Variants in KIF26B observed in about 807,000 individuals in gnomAD.
The protein encoded by KIF26B is kinesin family member 26B.
KIF26B carries 63 observed loss-of-function variants against 151.2 expected under a neutral mutation model. That is an observed-to-expected ratio of 0.42 (90% CI 0.34 to 0.51). The LOEUF (loss-of-function observed/expected upper bound fraction) is 0.51, where lower values mean the gene tolerates loss of function less well. KIF26B is among the 20% of genes least tolerant of loss of function. The pLI is 0.07. For missense variants in KIF26B, 2,813 were observed against 2,913.6 expected (o/e 0.97, Z 0.79); for synonymous variants, 1,357 against 1,262.1 (o/e 1.08, Z -1.59).
intron 2 of KIF26B, among the ~76,000 whole-genome samples, chr1:245,283,575 A>G (rs1406465601): frequency 6.6e-6 from 1 of 151,698 alleles, no homozygotes; most frequent in Non-Finnish European, 1.5e-5. Flanking sequence ...CCTCTCTTTT[A>G]TTTGTTTACT....
intron 4 of KIF26B, among the ~76,000 whole-genome samples, chr1:245,478,430 A>ACTTT (rs1660088316): frequency 7.8e-6 from 1 of 128,626 alleles, no homozygotes; most frequent in Non-Finnish European, 1.6e-5. Context: ...TCTGACTCGC[A>ACTTT]TTTTTTTTTT....
At chr1:245,275,626 G>T (rs777509865) in intron 2 of KIF26B, among the ~76,000 whole-genome samples, 1 of 152,182 alleles carries the variant, frequency 6.6e-6, no homozygotes, top group Non-Finnish European at 1.5e-5. Context: ...TTTCTCAAAA[G>T]ATCAGATGGT....
Position 245,709,217 on chromosome 1 carries a change from C to A in KIF26B, c.*6611C>A, listed in dbSNP as rs1475678372. On this transcript the variant is annotated 3_prime_UTR_variant, in exon 15 of 15. Transcript: ENST00000407071. ...GATTATGATAAATATGAGCAGGCTCCCTGGAGAACAGTCCAGAAAAAAAGA... is the reference window on the plus strand; with the variant it reads ...GATTATGATAAATATGAGCAGGCTCACTGGAGAACAGTCCAGAAAAAAAGA... 1 of 152,124 alleles carries A rather than the reference C, an allele frequency of 6.6e-6. No homozygotes were observed. The highest frequency in any genetic ancestry group is 2.4e-5 in the African/African-American group (1 of 41,408). 9.4% of individuals were successfully genotyped at this position (152,124 alleles called of 1,614,324 possible).
chr1:245,694,414 G>A (rs1030626635), intron 12 of KIF26B, among the ~76,000 whole-genome samples: 30 of 152,360 alleles, frequency 2.0e-4, no homozygotes, highest in African/African-American at 6.5e-4. Context: ...CGAAAGCCAT[G>A]CTGGAGGGCT....
At chr1:245,510,922 T>C (rs1045154655) in intron 4 of KIF26B, 31 of 606,638 alleles carry the variant, frequency 5.1e-5, no homozygotes, top group African/African-American at 5.0e-4. Flanking sequence ...CACCAGGGTC[T>C]GCTCTGAGAG....
At chr1:245,382,677 T>A (rs1026465411) in intron 3 of KIF26B, among the ~76,000 whole-genome samples, 2 of 152,012 alleles carry the variant, frequency 1.3e-5, no homozygotes, top group Non-Finnish European at 2.9e-5. Context: ...CAAGCGATTC[T>A]CCTGCCTCAG....
At chr1:245,659,516 C>A (rs1025757382) in intron 10 of KIF26B, among the ~76,000 whole-genome samples, 1 of 152,152 alleles carries the variant, frequency 6.6e-6, no homozygotes, top group Admixed American at 6.5e-5. Context: ...AGCTATAACC[C>A]TATTTTCTGA....
chr1:245,285,420 G>A (rs938027971), intron 2 of KIF26B, among the ~76,000 whole-genome samples: 7 of 152,158 alleles, frequency 4.6e-5, no homozygotes, highest in African/African-American at 1.7e-4. Context: ...CATGGCAGAA[G>A]GTCTAGATAC....
At chr1:245,666,640 C>CCG (rs1332966404) in intron 10 of KIF26B, among the ~76,000 whole-genome samples, 1 of 152,134 alleles carries the variant, frequency 6.6e-6, no homozygotes, top group African/African-American at 2.4e-5. Context: ...CAAAGGCTAA[C>CCG]ACATAGGCGG....
At chr1:245,411,897 A>G (rs988123949) in intron 3 of KIF26B, among the ~76,000 whole-genome samples, 12 of 152,186 alleles carry the variant, frequency 7.9e-5, no homozygotes, top group African/African-American at 2.7e-4. Context: ...CCCTCCGTCC[A>G]TCATCGTCAG....
intron 5 of KIF26B, among the ~76,000 whole-genome samples, chr1:245,561,040 C>G (rs1254881222): frequency 6.6e-6 from 1 of 152,162 alleles, no homozygotes; most frequent in Non-Finnish European, 1.5e-5. Flanking sequence ...ACCAAAGTGC[C>G]TCAGAGACAG....
intron 9 of KIF26B, among the ~76,000 whole-genome samples, chr1:245,637,004 C>T (rs192078819): frequency 1.1e-4 from 16 of 152,054 alleles, no homozygotes; most frequent in Admixed American, 9.2e-4. Context: ...CTTTGATATA[C>T]TGATTTCTTT....
At chr1:245,461,767 T>C (rs1378727287) in intron 4 of KIF26B, among the ~76,000 whole-genome samples, 1 of 152,162 alleles carries the variant, frequency 6.6e-6, no homozygotes, top group Non-Finnish European at 1.5e-5. Flanking sequence ...CAGACAAGAA[T>C]AGTATTTTAA....
chr1:245,657,217 T>G (rs2044084542), intron 10 of KIF26B, among the ~76,000 whole-genome samples: 1 of 152,246 alleles, frequency 6.6e-6, no homozygotes, highest in African/African-American at 2.4e-5. Flanking sequence ...GACATGCCCA[T>G]TTTTCTGAGG....
At chr1:245,690,747 G>GC (rs1321728227) in intron 12 of KIF26B, among the ~76,000 whole-genome samples, 4 of 151,724 alleles carry the variant, frequency 2.6e-5, no homozygotes, top group Non-Finnish European at 5.9e-5. Context: ...GCCTGGGGGG[G>GC]GGGTATGCTT....
chr1:245,685,693 C>T lies in KIF26B; in HGVS notation c.2710C>T (p.Arg904Trp), dbSNP rs1335465590. 23 of 1,612,818 alleles carry T rather than the reference C, an allele frequency of 1.4e-5. No individual in the cohort carries two copies. The highest frequency in any genetic ancestry group is 3.3e-5 in the Admixed American group (2 of 59,964). The stretch of plus-strand genomic sequence containing the variant: ...CCTGCAGAAGACCCGGGGCGACAGC[C>T]GGCCCGCAGAGGCAGGAGAGGCTGC... ...PALQKTRGDS[R>W]PAEAGEAAAG... Residue 904 changes from arginine (R) to tryptophan (W), a missense_variant, in exon 12 of 15, where the codon CGG becomes TGG. Transcript: ENST00000407071.
At chr1:245,663,154 T>C (rs1370929429) in intron 10 of KIF26B, among the ~76,000 whole-genome samples, 3 of 151,972 alleles carry the variant, frequency 2.0e-5, no homozygotes, top group African/African-American at 4.8e-5. Context: ...TCCCCTGTCG[T>C]GTTTGGGGGC....
chr1:245,424,399 T>C (rs973233723), intron 4 of KIF26B, among the ~76,000 whole-genome samples: 1 of 152,198 alleles, frequency 6.6e-6, no homozygotes, highest in African/African-American at 2.4e-5. Flanking sequence ...CCACCTGCCT[T>C]GGCCCCCCAA....
intron 2 of KIF26B, among the ~76,000 whole-genome samples, chr1:245,311,028 G>T (rs1671656211): frequency 6.6e-6 from 1 of 152,098 alleles, no homozygotes; most frequent in African/African-American, 2.4e-5. Flanking sequence ...TACCCCTCAG[G>T]AATTTCTATC....
Sources: allele counts gnomAD v4.1 joint callset (sites outside exome capture counted in the v4.1 genomes callset), GRCh38; gene constraint gnomAD v4.1.1; transcripts MANE v1.5; gene names NCBI Gene and HGNC (gene_info 2026-07-23, HGNC 2026-07-21).